Variants in ADCY5 observed in about 807,000 individuals in gnomAD.
ADCY5 encodes adenylate cyclase 5.
ADCY5 carries 30 observed loss-of-function variants against 119.7 expected under a neutral mutation model. The observed-to-expected ratio is 0.25, with a 90% CI of 0.19 to 0.34. ADCY5 has a LOEUF of 0.34. ADCY5 is among the 10% of genes least tolerant of loss of function. ADCY5 has a pLI of 1.00. For missense variants in ADCY5, 1,324 were observed against 1,775.2 expected (o/e 0.75, Z 4.57); for synonymous variants, 753 against 762.2 (o/e 0.99, Z 0.20).
intron 1 of ADCY5, among the ~76,000 whole-genome samples, chr3:123,375,957 C>T (rs1262316666): frequency 3.5e-5 from 5 of 142,722 alleles, no homozygotes; most frequent in Non-Finnish European, 7.7e-5. Context: ...TGGAGCATGG[C>T]GGGAATCATG....
At chr3:123,329,993 T>C (rs1240640449) in intron 5 of ADCY5, among the ~76,000 whole-genome samples, 1 of 152,236 alleles carries the variant, frequency 6.6e-6, no homozygotes, top group African/African-American at 2.4e-5. Flanking sequence ...TGTCCCCTCC[T>C]GGGCCCTCCT....
chr3:123,321,742 G>A (rs1271127968), intron 8 of ADCY5, among the ~76,000 whole-genome samples: 1 of 152,192 alleles, frequency 6.6e-6, no homozygotes, highest in Non-Finnish European at 1.5e-5. Context: ...TGAGGACACG[G>A]TTTGAAAATA....
intron 2 of ADCY5, among the ~76,000 whole-genome samples, chr3:123,348,366 C>T (rs1942673619): frequency 6.6e-6 from 1 of 152,168 alleles, no homozygotes. Context: ...TGAGCACCTA[C>T]CATGTGCCAG....
intron 3 of ADCY5, among the ~76,000 whole-genome samples, chr3:123,338,423 C>T (rs1431733442): frequency 6.6e-6 from 1 of 152,264 alleles, no homozygotes; most frequent in East Asian, 1.9e-4. Flanking sequence ...ATGACTGTCA[C>T]TTCTGCAGGC....
chr3:123,296,468 C>G (rs575751338), intron 16 of ADCY5, among the ~76,000 whole-genome samples: 1 of 152,330 alleles, frequency 6.6e-6, no homozygotes, highest in East Asian at 1.9e-4. Context: ...CGCCTTACAA[C>G]CCCCCATCAC....
intron 1 of ADCY5, among the ~76,000 whole-genome samples, chr3:123,386,131 C>A (rs1944213526): frequency 6.6e-6 from 1 of 152,214 alleles, no homozygotes; most frequent in African/African-American, 2.4e-5. Context: ...TCAGGAAAGG[C>A]TCAAAGGCAT....
chr3:123,286,877 C>T lies in ADCY5; in HGVS notation c.3533-68G>A, dbSNP rs1186494233. ...TTGACCTTGCCACCATCTGTCTCCC[C>T]ACATGCTGCAGGTCCTTCTGACTCC... On this transcript the variant is annotated intron_variant, in intron 19 of 20. Coordinates refer to ENST00000462833, the MANE Select transcript of ADCY5 (RefSeq NM_183357.3). This position sits in a 1 kb window ranked among gnomAD's most constrained non-coding sequence, Gnocchi z 4.2. 18 of 1,520,400 alleles carry T rather than the reference C, an allele frequency of 1.2e-5. No individual in the cohort carries two copies. The highest frequency in any genetic ancestry group is 1.8e-6 in the Non-Finnish European group (2 of 1,138,126). The allele number at this position is 1,520,400 out of a possible 1,614,324, so 94.2% of individuals were successfully genotyped here.
rs112953195 is a variant in ADCY5, at chr3:123,316,759, G to A, written c.2354+1261C>T. 2.2e-3 allele frequency among the ~76,000 whole-genome samples: 342 copies of A among 152,282 alleles called. 1 individual carries two copies. The highest frequency in any genetic ancestry group is 8.0e-3 in the African/African-American group (332 of 41,544). ...AATATGGACTGGGTAGTAGATGATA[G>A]TAGGGATTTGATGTTAATTTTTTTG... On this transcript the variant is annotated intron_variant, in intron 11 of 20. Transcript: ENST00000462833.
intron 20 of ADCY5, among the ~76,000 whole-genome samples, chr3:123,285,655 C>A (rs1180150316): frequency 6.6e-6 from 1 of 152,240 alleles, no homozygotes; most frequent in East Asian, 1.9e-4. Flanking sequence ...CAGCCCCACA[C>A]AAGGTGAGTT....
rs75665423 is a variant in ADCY5 at position 123,385,209 on chromosome 3, G to A, written c.1135-32628C>T. On this transcript the variant is annotated intron_variant, in intron 1 of 20. Coordinates refer to ENST00000462833, the MANE Select transcript of ADCY5 (RefSeq NM_183357.3). The stretch of plus-strand genomic sequence containing the variant: ...TGCCCTTCCTGCAGAGGCCACCCTG[G>A]AGCCAGAACCACACATTCACACTGC... 8.0e-3 allele frequency among the ~76,000 whole-genome samples: 1,210 copies of A among 152,176 alleles called. 11 individuals are homozygous for A. The highest frequency in any genetic ancestry group is 0.027 in the African/African-American group (1,104 of 41,522).
chr3:123,331,115 A>G (rs1941743452), intron 4 of ADCY5, 99 bp from the exon 5 acceptor site: 2 of 1,393,110 alleles, frequency 1.4e-6, no homozygotes, highest in Admixed American at 4.1e-5. Context: ...GCCTGGAATA[A>G]CTTGCCTTTT....
intron 1 of ADCY5, among the ~76,000 whole-genome samples, chr3:123,374,090 T>C (rs1003461439): frequency 1.3e-5 from 2 of 152,002 alleles, no homozygotes; most frequent in Non-Finnish European, 2.9e-5. Flanking sequence ...ATGGCTAAGT[T>C]CAGATTGCAA....
In ADCY5 at chr3:123,291,303, T is replaced by C; in HGVS notation, c.3137A>G (p.Lys1046Arg). The change falls in exon 18 of 21, where the codon AAG (lysine) becomes AGG (arginine). Residue 1046 changes from lysine (K) to arginine (R), a missense_variant. Lys to Arg is a conservative substitution (Grantham distance 26). Transcript: ENST00000462833. ...NRRLLHNILP[K>R]DVAAHFLARE... is the part of the protein sequence containing the mutation. ...GGCCAGGAAGTGAGCGGCCACGTCC[T>C]TGGGCAGGATGTTGTGCAGCAGCCG... The C allele has an allele frequency of 3.7e-6, 6 of 1,613,982 alleles. No individual in the cohort carries two copies. Among genetic ancestry groups the C allele is most frequent in the Non-Finnish European group, 5.1e-6 (6 of 1,180,042 alleles).
At chr3:123,359,331 A>AAAATATATAT (rs1553736034) in intron 1 of ADCY5, among the ~76,000 whole-genome samples, 1 of 109,766 alleles carries the variant, frequency 9.1e-6, no homozygotes, top group Non-Finnish European at 1.8e-5. Context: ...CTTATACTAA[A>AAAATATATAT]ATATATATAT....
intron 1 of ADCY5, among the ~76,000 whole-genome samples, chr3:123,445,672 AT>A (rs572173580): frequency 1.4e-4 from 21 of 150,816 alleles, no homozygotes; most frequent in South Asian, 2.1e-4. Flanking sequence ...GTCTCTAAAG[AT>A]TTTTTTTTTC....
intron 1 of ADCY5, among the ~76,000 whole-genome samples, chr3:123,395,656 T>C (rs927268317): frequency 6.6e-6 from 1 of 151,766 alleles, no homozygotes; most frequent in East Asian, 1.9e-4. Flanking sequence ...GGTGGGAGGA[T>C]TGCTTGAGTC....
chr3:123,401,631 C>A (rs1253926931), intron 1 of ADCY5, among the ~76,000 whole-genome samples: 1 of 152,158 alleles, frequency 6.6e-6, no homozygotes. Context: ...GTCAAGGCAG[C>A]ATTTCTGGGG....
intron 12 of ADCY5, among the ~76,000 whole-genome samples, chr3:123,311,240 G>A (rs1576554785): frequency 6.6e-6 from 1 of 152,208 alleles, no homozygotes; most frequent in African/African-American, 2.4e-5. Flanking sequence ...TGGTAAAACC[G>A]CAAATGTTTT....
At chr3:123,334,344 G>A (rs1196704523) in intron 3 of ADCY5, among the ~76,000 whole-genome samples, 1 of 152,146 alleles carries the variant, frequency 6.6e-6, no homozygotes, top group Non-Finnish European at 1.5e-5. Context: ...CAGGCACCTC[G>A]GGACTCCTAA....
Sources: allele counts gnomAD v4.1 joint callset (sites outside exome capture counted in the v4.1 genomes callset), GRCh38; gene constraint gnomAD v4.1.1; non-coding constraint Gnocchi (gnomAD v3.1); transcripts MANE v1.5; gene names NCBI Gene and HGNC (gene_info 2026-07-23, HGNC 2026-07-21).